Variants in CCDC144A observed in about 807,000 individuals in gnomAD.
CCDC144A encodes coiled-coil domain containing 144A, also known as coiled-coil domain-containing protein 144A.
CCDC144A carries 41 observed loss-of-function variants against 143.8 expected under a neutral mutation model. The observed-to-expected ratio is 0.29, with a 90% confidence interval of 0.22 to 0.37. The LOEUF (loss-of-function observed/expected upper bound fraction) is 0.37, where lower values mean the gene tolerates loss of function less well. Among genes scored for constraint, CCDC144A ranks in the 10% least tolerant of loss-of-function variants. The pLI is 1.00. For synonymous variants in CCDC144A, 242 were observed against 517.9 expected (o/e 0.47, Z 7.23); for missense variants, 637 against 1,488.8 (o/e 0.43, Z 9.41).
At chr17:16,682,982 A>G in the CCDC144A span, among the ~76,000 whole-genome samples, 1 of 135,510 alleles carries the variant, frequency 7.4e-6, no homozygotes, top group Non-Finnish European at 1.5e-5. Context: ...GCTCACTGCA[A>G]CCTCTGCCTC....
chr17:16,715,310 TAAAA>T (rs368911895), intron 6 of CCDC144A, among the ~76,000 whole-genome samples: 4 of 129,058 alleles, frequency 3.1e-5, no homozygotes, highest in African/African-American at 5.9e-5. Context: ...GATTCTCAGG[TAAAA>T]AAAAAAAAAA....
chr17:16,723,856 C>A (rs1350327788), intron 8 of CCDC144A, among the ~76,000 whole-genome samples: 1 of 152,176 alleles, frequency 6.6e-6, no homozygotes, highest in Non-Finnish European at 1.5e-5. Flanking sequence ...CTTATTGTAT[C>A]ATTTCCTCTG....
chr17:16,759,273 A>T (rs1915245988), intron 12 of CCDC144A, among the ~76,000 whole-genome samples: 1 of 152,262 alleles, frequency 6.6e-6, no homozygotes, highest in Non-Finnish European at 1.5e-5. Context: ...TCCATTTACG[A>T]TAATTTCCAT....
intron 15 of CCDC144A, chr17:16,765,070 CA>C (rs1370137535): frequency 4.3e-5 from 4 of 92,250 alleles, no homozygotes; most frequent in African/African-American, 2.0e-4. Context: ...CGTGTGGTTT[CA>C]CTCAGAGTAA....
chr17:16,726,462 A>G (rs1310876059), intron 8 of CCDC144A, among the ~76,000 whole-genome samples: 1 of 149,656 alleles, frequency 6.7e-6, no homozygotes, highest in Non-Finnish European at 1.5e-5. Flanking sequence ...ATTTTAATAT[A>G]CAGTTGAGTT....
intron 12 of CCDC144A, among the ~76,000 whole-genome samples, chr17:16,743,011 C>T (rs1914330603): frequency 6.6e-6 from 1 of 152,116 alleles, no homozygotes. Flanking sequence ...TCCCAGTCTA[C>T]AATTGTTGGT....
At chr17:16,737,604 A>G (rs1179200746) in intron 12 of CCDC144A, 7 of 1,296,532 alleles carry the variant, frequency 5.4e-6, no homozygotes, top group Non-Finnish European at 5.1e-6. Context: ...GTCAGAGGCT[A>G]CCTCACGTTG....
chr17:16,740,527 T>G (rs2621549), intron 12 of CCDC144A, among the ~76,000 whole-genome samples: 1 of 152,264 alleles, frequency 6.6e-6, no homozygotes, highest in South Asian at 2.1e-4. Flanking sequence ...GAGCCAATTT[T>G]TATGATATGG....
At chr17:16,758,970 G>A (rs1343583214) in intron 12 of CCDC144A, among the ~76,000 whole-genome samples, 1 of 152,230 alleles carries the variant, frequency 6.6e-6, no homozygotes, top group Non-Finnish European at 1.5e-5. Flanking sequence ...GTACGACAGT[G>A]CCTTAAGATG....
chr17:16,699,584 T>G lies in CCDC144A; in HGVS notation c.416-5567T>G, dbSNP rs1455968240. On this transcript the variant is annotated intron_variant, in intron 2 of 16. Coordinates refer to ENST00000399273, the MANE Select transcript of CCDC144A (RefSeq NM_001382000.1). ...GGGTGTGATTATAGCACACTGCAGCTTTAGTTCCTAGCCTCAAGCAATCGT... is the reference window on the plus strand; with the variant it reads ...GGGTGTGATTATAGCACACTGCAGCGTTAGTTCCTAGCCTCAAGCAATCGT... Among the ~76,000 whole-genome samples, 6 of 118,362 alleles carry G rather than the reference T, an allele frequency of 5.1e-5. No homozygotes were observed. In the Admixed American group the frequency reaches 5.7e-4, roughly 11 times the overall value. 77.7% of individuals were successfully genotyped at this position (118,362 alleles called of 152,430 possible).
chr17:16,746,774 G>T, intron 12 of CCDC144A: 1 of 1,590,234 alleles, frequency 6.3e-7, no homozygotes, highest in South Asian at 1.1e-5. Flanking sequence ...CGGGGAGCGC[G>T]CGGCCGTTCC....
At chr17:16,717,005 G>T (rs867366424) in intron 6 of CCDC144A, among the ~76,000 whole-genome samples, 1 of 151,540 alleles carries the variant, frequency 6.6e-6, no homozygotes. Context: ...AGTAGAGACG[G>T]GGTTTCACCG....
chr17:16,759,119 T>A (rs1915238004), intron 12 of CCDC144A, among the ~76,000 whole-genome samples: 1 of 152,124 alleles, frequency 6.6e-6, no homozygotes, highest in African/African-American at 2.4e-5. Context: ...TGATCTTATC[T>A]CAGAGGCCAT....
the CCDC144A span, among the ~76,000 whole-genome samples, chr17:16,680,166 T>C: frequency 2.0e-5 from 3 of 151,920 alleles, no homozygotes; most frequent in Non-Finnish European, 4.4e-5. Flanking sequence ...TGGTGGCTCA[T>C]GCCTATAATC....
At chr17:16,724,470 A>G (rs990026619) in intron 8 of CCDC144A, among the ~76,000 whole-genome samples, 8 of 149,838 alleles carry the variant, frequency 5.3e-5, no homozygotes, top group Admixed American at 2.0e-4. Context: ...AGATCCCGCC[A>G]CTGCACTCCA....
rs376310863 is a variant in CCDC144A at position 16,690,787 on chromosome 17, G to T, written c.344+43G>T. 93 of 1,543,252 alleles carry T rather than the reference G, an allele frequency of 6.0e-5. No homozygotes were observed. In the African/African-American group the frequency reaches 1.2e-3, roughly 20 times the overall value. ...GATGCGCCGTCCTGTCGGGGACACTGGCTTTCTGGTGCCCGCAGGCCCCAC... is the reference window on the plus strand; with the variant it reads ...GATGCGCCGTCCTGTCGGGGACACTTGCTTTCTGGTGCCCGCAGGCCCCAC... On this transcript the variant is annotated intron_variant, in intron 1 of 16. Coordinates refer to ENST00000399273, the MANE Select transcript of CCDC144A (RefSeq NM_001382000.1).
In CCDC144A at chr17:16,695,779, GCT is replaced by G. The variant is rs550923664; in HGVS notation, c.415+2731_415+2732del. On this transcript the variant is annotated intron_variant, in intron 2 of 16. Transcript: ENST00000399273. ...ACACTTTATGTGGTGAGGAATGAAAGCTGTAAAAAAGTGGGTAAGATTTAAGG... is the reference window on the plus strand; with the variant it reads ...ACACTTTATGTGGTGAGGAATGAAAGGTAAAAAAGTGGGTAAGATTTAAGG... Among the ~76,000 whole-genome samples the G allele has an allele frequency of 5.5e-3, 841 of 152,062 alleles. 8 individuals are homozygous for G. Among genetic ancestry groups the G allele is most frequent in the African/African-American group, 0.019 (798 of 41,436 alleles).
Position 16,693,195 on chromosome 17 carries a change from G to A in CCDC144A, c.415+146G>A, listed in dbSNP as rs1477538210. The A allele has an allele frequency of 1.5e-5, 9 of 584,216 alleles. No individual in the cohort carries two copies. In the Admixed American group the frequency reaches 2.6e-4, roughly 17 times the overall value. 36.2% of individuals were successfully genotyped at this position (584,216 alleles called of 1,614,324 possible). A position where few individuals can be genotyped will look rare whatever the true frequency, so the allele number is the denominator to read the frequency against. ...GGTTAGATTTCTTGGTAGGTTAGAT[G>A]TCACAATTATTTAAAAAGTTAATTG... On this transcript the variant is annotated intron_variant, in intron 2 of 16. Transcript: ENST00000399273.
chr17:16,677,192 T>C, the CCDC144A span, among the ~76,000 whole-genome samples: 1 of 151,922 alleles, frequency 6.6e-6, no homozygotes. Context: ...TCCCTCCACT[T>C]CTTCTAGTCC....
Sources: allele counts gnomAD v4.1 joint callset (sites outside exome capture counted in the v4.1 genomes callset), GRCh38; gene constraint gnomAD v4.1.1; transcripts MANE v1.5; gene names NCBI Gene and HGNC (gene_info 2026-07-23, HGNC 2026-07-21).